TMEM132B: variants seen among roughly 807,000 people sequenced by gnomAD.
TMEM132B encodes the protein transmembrane protein 132B.
In TMEM132B, 18 loss-of-function variants were observed where a neutral mutation model predicts 90.8. That is an observed-to-expected ratio of 0.20 (90% CI 0.14 to 0.29). The LOEUF is 0.29. Ranked by LOEUF, TMEM132B falls within the 10% of genes least tolerant of loss-of-function variation. The pLI is 1.00. For missense variants in TMEM132B, 1,096 were observed against 1,326.8 expected (o/e 0.83, Z 2.70); for synonymous variants, 504 against 523.3 (o/e 0.96, Z 0.50).
chr12:125,294,890 A>G (rs1251695389), intron 1 of TMEM132B, among the ~76,000 whole-genome samples: 1 of 74,374 alleles, frequency 1.3e-5, no homozygotes, highest in Non-Finnish European at 3.0e-5. Flanking sequence ...TAAGTGGCAG[A>G]AAAAATGCAG....
rs1202556448 is a variant in TMEM132B, at chr12:125,213,480, CA to C, written c.67+26616del. ...TCCATATATGGTTCTAATGGGAAGCCAACTGGAAAGCTATCAGAATTTTGAG... is the reference window on the plus strand; with the variant it reads ...TCCATATATGGTTCTAATGGGAAGCCACTGGAAAGCTATCAGAATTTTGAG... On this transcript the variant is annotated intron_variant, in intron 1 of 8. Transcript: ENST00000682704. This position sits in a 1 kb window ranked among gnomAD's most constrained non-coding sequence, Gnocchi z 4.2. Among the ~76,000 whole-genome samples the C allele has an allele frequency of 6.6e-6, 1 of 152,136 alleles. No homozygotes were observed. The highest frequency in any genetic ancestry group is 1.5e-5 in the Non-Finnish European group (1 of 68,036).
At chr12:125,465,769 A>C (rs949993409) in intron 3 of TMEM132B, among the ~76,000 whole-genome samples, 2 of 152,236 alleles carry the variant, frequency 1.3e-5, no homozygotes, top group Non-Finnish European at 1.5e-5. Flanking sequence ...CCATCAATCG[A>C]GACACTTGGT....
chr12:125,624,869 G>T (rs1055496308), intron 5 of TMEM132B, among the ~76,000 whole-genome samples: 34 of 152,272 alleles, frequency 2.2e-4, no homozygotes, highest in African/African-American at 7.5e-4. Context: ...TTTGATTAAT[G>T]TATACAGAGT....
chr12:125,382,311 C>A (rs1457937214), intron 2 of TMEM132B, among the ~76,000 whole-genome samples: 1 of 152,182 alleles, frequency 6.6e-6, no homozygotes, highest in African/African-American at 2.4e-5. Context: ...AGTAGCATCT[C>A]CATTTTTCTA....
intron 5 of TMEM132B, among the ~76,000 whole-genome samples, chr12:125,621,444 G>A (rs1043632741): frequency 2.6e-5 from 4 of 152,098 alleles, no homozygotes; most frequent in East Asian, 1.9e-4. Context: ...GTATGGGAGC[G>A]GGGCTTGAGG....
intron 6 of TMEM132B, among the ~76,000 whole-genome samples, chr12:125,644,840 A>G (rs887728832): frequency 1.3e-5 from 2 of 152,012 alleles, no homozygotes; most frequent in Non-Finnish European, 1.5e-5. Flanking sequence ...GATTTAACCT[A>G]TCTCTTTCTC....
intron 1 of TMEM132B, among the ~76,000 whole-genome samples, chr12:125,259,211 G>A (rs71458902): frequency 6.6e-6 from 1 of 152,160 alleles, no homozygotes; most frequent in African/African-American, 2.4e-5. Context: ...ACTTCTTGAT[G>A]CTTTGTCTCC....
intron 4 of TMEM132B, among the ~76,000 whole-genome samples, chr12:125,530,824 A>G (rs1883624803): frequency 6.6e-6 from 1 of 152,236 alleles, no homozygotes; most frequent in African/African-American, 2.4e-5. Flanking sequence ...GTATGACCTC[A>G]TTTAAACTAA....
intron 3 of TMEM132B, among the ~76,000 whole-genome samples, chr12:125,512,170 G>C (rs1882998623): frequency 6.6e-6 from 1 of 152,172 alleles, no homozygotes; most frequent in African/African-American, 2.4e-5. Flanking sequence ...CAGGGACTTG[G>C]GGGACATGAT....
At chr12:125,419,631 T>C (rs145055898) in intron 3 of TMEM132B, among the ~76,000 whole-genome samples, 6,157 of 152,204 alleles carry the variant, frequency 0.04, 425 homozygotes, top group African/African-American at 0.14. Context: ...TATCATTCCA[T>C]CCCTGGCCCT....
At chr12:125,591,062 GA>G (rs1422475209) in intron 5 of TMEM132B, among the ~76,000 whole-genome samples, 1 of 152,128 alleles carries the variant, frequency 6.6e-6, no homozygotes, top group African/African-American at 2.4e-5. Context: ...TTGCGGTGGG[GA>G]GTGGCACGCT....
intron 3 of TMEM132B, among the ~76,000 whole-genome samples, chr12:125,517,088 G>A (rs1883178539): frequency 6.6e-6 from 1 of 152,210 alleles, no homozygotes; most frequent in African/African-American, 2.4e-5. Context: ...CTGATGGGAA[G>A]GGGGGTCCCA....
intron 1 of TMEM132B, among the ~76,000 whole-genome samples, chr12:125,297,726 G>A (rs991271721): frequency 6.6e-6 from 1 of 152,160 alleles, no homozygotes; most frequent in African/African-American, 2.4e-5. Flanking sequence ...ACCTCCACCT[G>A]TGATTTGGAG....
At chr12:125,452,472 T>C (rs760772780) in intron 3 of TMEM132B, among the ~76,000 whole-genome samples, 4 of 152,240 alleles carry the variant, frequency 2.6e-5, no homozygotes, top group Non-Finnish European at 4.4e-5. Flanking sequence ...CCTGTGTACA[T>C]GTAAAAGTAC....
chr12:125,226,494 G>A (rs1296768049), intron 1 of TMEM132B, among the ~76,000 whole-genome samples: 1 of 152,212 alleles, frequency 6.6e-6, no homozygotes, highest in East Asian at 1.9e-4. Flanking sequence ...TTGTAGATGA[G>A]GAAACTGAGG....
intron 5 of TMEM132B, among the ~76,000 whole-genome samples, chr12:125,599,458 G>A (rs1885520478): frequency 1.3e-5 from 2 of 152,260 alleles, no homozygotes; most frequent in Non-Finnish European, 2.9e-5. Context: ...TTTTGGGGAA[G>A]GGCCCTAGCC....
chr12:125,439,074 C>T (rs1044381748), intron 3 of TMEM132B, among the ~76,000 whole-genome samples: 1 of 151,492 alleles, frequency 6.6e-6, no homozygotes, highest in Non-Finnish European at 1.5e-5. Flanking sequence ...TGTAGTATAT[C>T]GTTTGAAGTC....
intron 3 of TMEM132B, among the ~76,000 whole-genome samples, chr12:125,426,985 C>T (rs1880336446): frequency 6.6e-6 from 1 of 152,122 alleles, no homozygotes; most frequent in Admixed American, 6.6e-5. Context: ...TAAACTGGTC[C>T]CTAAAGCATG....
At chr12:125,274,139 C>T (rs1430720897) in intron 1 of TMEM132B, among the ~76,000 whole-genome samples, 3 of 152,096 alleles carry the variant, frequency 2.0e-5, no homozygotes. Flanking sequence ...TGAAGTTATA[C>T]TCTGGGTGTC....
Sources: gnomAD v4.1 joint callset for allele counts (sites outside exome capture counted in the v4.1 genomes callset) on GRCh38, gnomAD v4.1.1 for gene constraint, Gnocchi (gnomAD v3.1) non-coding constraint, MANE v1.5 for transcripts, NCBI Gene and HGNC (gene_info 2026-07-23, HGNC 2026-07-21) for gene names.